TRHDE: variants seen among roughly 807,000 people sequenced by gnomAD.
TRHDE encodes the protein thyrotropin-releasing hormone-degrading ectoenzyme.
A neutral mutation model predicts 125.7 loss-of-function variants in TRHDE; 72 were observed. The ratio of observed to expected loss-of-function variants is 0.57; its 90% CI spans 0.47 to 0.70. TRHDE has a LOEUF of 0.70. TRHDE is among the 30% of genes least tolerant of loss of function. The pLI is 0.00. For missense variants in TRHDE, 1,110 were observed against 1,327.1 expected (o/e 0.84, Z 2.54); for synonymous variants, 509 against 509.1 (o/e 1.00, Z 0.00).
At chr12:72,224,175 T>C (rs1297362242) in intron 2 of TRHDE, among the ~76,000 whole-genome samples, 1 of 124,618 alleles carries the variant, frequency 8.0e-6, no homozygotes, top group Non-Finnish European at 1.8e-5. Flanking sequence ...TGTATCTATC[T>C]ATCTATCTAT....
intron 6 of TRHDE, among the ~76,000 whole-genome samples, chr12:72,516,609 C>T (rs548286374): frequency 3.4e-4 from 52 of 152,212 alleles, no homozygotes; most frequent in African/African-American, 1.3e-3. Flanking sequence ...ATTTGACTTC[C>T]TCTTTTCCTA....
At chr12:72,638,389 T>C (rs1160661348) in intron 15 of TRHDE, among the ~76,000 whole-genome samples, 1 of 152,182 alleles carries the variant, frequency 6.6e-6, no homozygotes, top group African/African-American at 2.4e-5. Context: ...ATTTTGAGCC[T>C]ATGTTTGTCT....
intron 15 of TRHDE, among the ~76,000 whole-genome samples, chr12:72,633,184 A>T (rs1873570514): frequency 6.6e-6 from 1 of 152,026 alleles, no homozygotes; most frequent in Non-Finnish European, 1.5e-5. Flanking sequence ...ACTTGAAAGG[A>T]GTGCAGTTAC....
chr12:72,467,858 A>C (rs1043767518), intron 3 of TRHDE, among the ~76,000 whole-genome samples: 1 of 152,178 alleles, frequency 6.6e-6, no homozygotes, highest in Admixed American at 6.5e-5. Context: ...CAATGCTGAG[A>C]AGATAATTTT....
intron 2 of TRHDE, among the ~76,000 whole-genome samples, chr12:72,119,951 C>T (rs1875536559): frequency 6.6e-6 from 1 of 151,984 alleles, no homozygotes; most frequent in South Asian, 2.1e-4. Flanking sequence ...GGCAACAAAT[C>T]ATTGGGCCTT....
At chr12:72,222,537 G>A (rs1878022509) in intron 2 of TRHDE, among the ~76,000 whole-genome samples, 1 of 152,074 alleles carries the variant, frequency 6.6e-6, no homozygotes, top group African/African-American at 2.4e-5. Flanking sequence ...GTTATGTCTG[G>A]GGATAAGAGG....
intron 12 of TRHDE, among the ~76,000 whole-genome samples, chr12:72,589,518 A>C (rs1328198244): frequency 6.6e-6 from 1 of 152,076 alleles, no homozygotes; most frequent in African/African-American, 2.4e-5. Context: ...ATTTGATAAA[A>C]TTTACCATCA....
At chr12:72,341,276 G>T (rs11179159) in intron 2 of TRHDE, among the ~76,000 whole-genome samples, 1 of 151,238 alleles carries the variant, frequency 6.6e-6, no homozygotes, top group East Asian at 2.0e-4. Context: ...AATGCTATCC[G>T]TCCCCCAGCC....
intron 2 of TRHDE, among the ~76,000 whole-genome samples, chr12:72,309,298 A>G (rs1868429037): frequency 6.6e-6 from 1 of 152,178 alleles, no homozygotes; most frequent in Admixed American, 6.6e-5. Context: ...TTGTGAAGAG[A>G]AAGTGTGAGA....
At chr12:72,646,093 G>A (rs1874268788) in intron 15 of TRHDE, among the ~76,000 whole-genome samples, 1 of 152,026 alleles carries the variant, frequency 6.6e-6, no homozygotes, top group Non-Finnish European at 1.5e-5. Flanking sequence ...TGTAATGGTG[G>A]TGGGTAAATA....
At chr12:72,587,604 A>G (rs1565800884) in intron 12 of TRHDE, among the ~76,000 whole-genome samples, 1 of 152,080 alleles carries the variant, frequency 6.6e-6, no homozygotes, top group Non-Finnish European at 1.5e-5. Context: ...TTATGGTGTC[A>G]TATTAAAAAA....
Position 72,452,034 on chromosome 12 carries a change from G to A in TRHDE, c.1316-17724G>A, listed in dbSNP as rs557610451. 3.9e-5 allele frequency among the ~76,000 whole-genome samples: 6 copies of A among 152,186 alleles called. No individual in the cohort carries two copies. The South Asian group carries it at 6.2e-4, about 16-fold the overall frequency. On this transcript the variant is annotated intron_variant, in intron 3 of 18. Coordinates refer to ENST00000261180, the MANE Select transcript of TRHDE (RefSeq NM_013381.3). ...AGTAGAGACAGGGTTTCACTATGTC[G>A]GCCAGGCTGGTCTCAAACTCCTGGC...
Position 72,363,194 on chromosome 12 carries a change from C to T in TRHDE, c.1189-14801C>T, listed in dbSNP as rs141561933. 4.1e-3 allele frequency among the ~76,000 whole-genome samples: 622 copies of T among 151,786 alleles called. 8 individuals are homozygous for T. Among genetic ancestry groups the T allele is most frequent in the African/African-American group, 0.014 (563 of 41,396 alleles). ...TCACAGCCGAATTCTACCAGAGGTACGAGGAGGAACTGGTACCATTCCTTC... is the reference window on the plus strand; with the variant it reads ...TCACAGCCGAATTCTACCAGAGGTATGAGGAGGAACTGGTACCATTCCTTC... On this transcript the variant is annotated intron_variant, in intron 2 of 18. Coordinates refer to ENST00000261180, the MANE Select transcript of TRHDE (RefSeq NM_013381.3).
chr12:72,635,034 A>G (rs1205074986), intron 15 of TRHDE, among the ~76,000 whole-genome samples: 31 of 151,460 alleles, frequency 2.0e-4, no homozygotes, highest in African/African-American at 5.8e-4. Flanking sequence ...GGATGGCTGG[A>G]TCAAATGGTA....
intron 2 of TRHDE, among the ~76,000 whole-genome samples, chr12:72,350,961 C>T (rs1307207204): frequency 6.6e-6 from 1 of 151,894 alleles, no homozygotes; most frequent in South Asian, 2.1e-4. Flanking sequence ...GTAGAACTAG[C>T]CAATTGCATA....
chr12:72,207,668 G>A (rs541541513), intron 2 of TRHDE, among the ~76,000 whole-genome samples: 1 of 152,148 alleles, frequency 6.6e-6, no homozygotes, highest in Non-Finnish European at 1.5e-5. Context: ...GGAACAGGAT[G>A]GTTTATGTTG....
At chr12:72,600,544 AG>A (rs1872168038) in intron 12 of TRHDE, among the ~76,000 whole-genome samples, 1 of 151,978 alleles carries the variant, frequency 6.6e-6, no homozygotes, top group African/African-American at 2.4e-5. Context: ...TTTGGCTCTC[AG>A]GTTGAATGTT....
intron 3 of TRHDE, chr12:72,431,667 G>A (rs1382552825): frequency 6.7e-6 from 1 of 150,280 alleles, no homozygotes; most frequent in Non-Finnish European, 1.5e-5. Flanking sequence ...AGAATGAAAT[G>A]TTCCTCATCA....
At chr12:72,364,804 A>G (rs975262572) in intron 2 of TRHDE, among the ~76,000 whole-genome samples, 1 of 152,076 alleles carries the variant, frequency 6.6e-6, no homozygotes, top group Admixed American at 6.6e-5. Flanking sequence ...TTGATACTGA[A>G]TTCAACTCAG....
Sources: allele counts gnomAD v4.1 joint callset (sites outside exome capture counted in the v4.1 genomes callset), GRCh38; gene constraint gnomAD v4.1.1; transcripts MANE v1.5; gene names NCBI Gene and HGNC (gene_info 2026-07-23, HGNC 2026-07-21).